Variants in TRPC7 observed in about 807,000 individuals in gnomAD.
TRPC7 encodes transient receptor potential cation channel subfamily C member 7.
In TRPC7, 42 loss-of-function variants were observed where a neutral mutation model predicts 90.1. The ratio of observed to expected loss-of-function variants is 0.47; its 90% CI spans 0.36 to 0.60. TRPC7 has a LOEUF of 0.60. Ranked by LOEUF, TRPC7 falls within the 20% of genes least tolerant of loss-of-function variation. TRPC7 has a pLI of 0.00. For missense variants in TRPC7, 955 were observed against 1,112.3 expected (o/e 0.86, Z 2.01); for synonymous variants, 451 against 436.3 (o/e 1.03, Z -0.42).
At chr5:136,295,439 C>T (rs188381452) in intron 3 of TRPC7, among the ~76,000 whole-genome samples, 5 of 152,230 alleles carry the variant, frequency 3.3e-5, no homozygotes, top group African/African-American at 1.2e-4. Context: ...TGTGCTCTGC[C>T]AGTTCATTGG....
At chr5:136,250,543 G>T (rs947136581) in intron 6 of TRPC7, among the ~76,000 whole-genome samples, 2 of 152,170 alleles carry the variant, frequency 1.3e-5, no homozygotes, top group African/African-American at 4.8e-5. Context: ...TTTCAGTACA[G>T]AAATTACAGT....
intron 3 of TRPC7, among the ~76,000 whole-genome samples, chr5:136,310,549 G>A (rs538098438): frequency 6.6e-6 from 1 of 152,082 alleles, no homozygotes; most frequent in Non-Finnish European, 1.5e-5. Context: ...GGAAGGCTCA[G>A]GAGGAGTGGA....
chr5:136,325,697 A>ACC (rs1450580996), intron 2 of TRPC7, among the ~76,000 whole-genome samples: 1 of 152,164 alleles, frequency 6.6e-6, no homozygotes, highest in Non-Finnish European at 1.5e-5. Context: ...CTAGGGGCAG[A>ACC]TAATCAGAGG....
At chr5:136,348,576 G>A (rs1345963601) in intron 2 of TRPC7, among the ~76,000 whole-genome samples, 1 of 152,166 alleles carries the variant, frequency 6.6e-6, no homozygotes, top group East Asian at 1.9e-4. Context: ...TTGACAATAA[G>A]GTCCTTGAGG....
chr5:136,303,276 C>T (rs1437511177), intron 3 of TRPC7, among the ~76,000 whole-genome samples: 2 of 152,186 alleles, frequency 1.3e-5, no homozygotes, highest in Non-Finnish European at 2.9e-5. Context: ...GCCCTAGACC[C>T]TAAAAGGTCA....
chr5:136,342,066 G>A (rs1452854453), intron 2 of TRPC7, among the ~76,000 whole-genome samples: 1 of 151,980 alleles, frequency 6.6e-6, no homozygotes, highest in Non-Finnish European at 1.5e-5. Context: ...TTCATGCCTT[G>A]TTGGCTTTCT....
chr5:136,293,784 A>C (rs1417717599), intron 3 of TRPC7, among the ~76,000 whole-genome samples: 1 of 152,192 alleles, frequency 6.6e-6, no homozygotes, highest in African/African-American at 2.4e-5. Context: ...GAATTGGAAA[A>C]AACTACTTTA....
intron 3 of TRPC7, among the ~76,000 whole-genome samples, chr5:136,295,643 C>T (rs1183629282): frequency 2.6e-5 from 4 of 152,174 alleles, no homozygotes; most frequent in African/African-American, 9.7e-5. Context: ...TCTCAATGGC[C>T]TCCAGTTCCC....
intron 3 of TRPC7, among the ~76,000 whole-genome samples, chr5:136,292,154 G>A (rs187667510): frequency 6.6e-6 from 1 of 152,292 alleles, no homozygotes; most frequent in East Asian, 1.9e-4. Flanking sequence ...TGTGTAGAGG[G>A]AAATTTATAG....
In TRPC7 at chr5:136,357,343, T is replaced by C; in HGVS notation, c.45A>G (p.Thr15=). The change falls in exon 2 of 12, where the codon ACA becomes ACG. Residue 15 remains threonine (T), a synonymous_variant. Coordinates refer to ENST00000513104, the MANE Select transcript of TRPC7 (RefSeq NM_020389.3). ...STFKNMQRRH[T]TLREKGRRQA... is the part of the protein sequence containing the mutation. ...GGCGACGGCCCTTCTCCCTCAGCGT[T>C]GTGTGCCGGCGCTGCATGTTTTTGA... The C allele has an allele frequency of 1.9e-6, 3 of 1,604,108 alleles. No individual in the cohort carries two copies. Among genetic ancestry groups the C allele is most frequent in the Middle Eastern group, 3.3e-4 (2 of 6,060 alleles).
At chr5:136,255,828 G>A (rs1756670944) in intron 5 of TRPC7, among the ~76,000 whole-genome samples, 1 of 152,122 alleles carries the variant, frequency 6.6e-6, no homozygotes, top group Non-Finnish European at 1.5e-5. Flanking sequence ...GTTGTAATGT[G>A]CCCTGCTAGG....
At chr5:136,213,939 C>G in intron 11 of TRPC7, 1 of 260,138 alleles carries the variant, frequency 3.8e-6, no homozygotes, top group Non-Finnish European at 7.3e-6. Context: ...TTCAGAGTCA[C>G]TAAAGGCAGA....
intron 2 of TRPC7, among the ~76,000 whole-genome samples, chr5:136,352,261 T>G (rs1271656659): frequency 6.6e-6 from 1 of 152,174 alleles, no homozygotes; most frequent in Non-Finnish European, 1.5e-5. Context: ...AATATTCCCT[T>G]GTCATCCTTT....
intron 3 of TRPC7, among the ~76,000 whole-genome samples, chr5:136,313,512 C>A (rs1758910909): frequency 6.6e-6 from 1 of 152,206 alleles, no homozygotes; most frequent in Non-Finnish European, 1.5e-5. Context: ...TGTGCTCATG[C>A]AAGTATGCTA....
At chr5:136,315,281 G>C (rs1390450791) in intron 3 of TRPC7, among the ~76,000 whole-genome samples, 1 of 152,180 alleles carries the variant, frequency 6.6e-6, no homozygotes, top group African/African-American at 2.4e-5. Context: ...ACTGATAGGA[G>C]CCCTCGCGGT....
chr5:136,264,921 G>A (rs1300092811), intron 5 of TRPC7, among the ~76,000 whole-genome samples: 1 of 152,130 alleles, frequency 6.6e-6, no homozygotes, highest in Non-Finnish European at 1.5e-5. Flanking sequence ...TCCCTGGAAA[G>A]CTTGGTGGGT....
intron 7 of TRPC7, among the ~76,000 whole-genome samples, chr5:136,240,352 T>TC (rs1756121431): frequency 6.6e-6 from 1 of 152,166 alleles, no homozygotes; most frequent in Non-Finnish European, 1.5e-5. Context: ...CCCTGCAAAA[T>TC]CCCCACTGAT....
chr5:136,249,256 A>C (rs1756443712), intron 6 of TRPC7, among the ~76,000 whole-genome samples: 1 of 152,084 alleles, frequency 6.6e-6, no homozygotes, highest in South Asian at 2.1e-4. Context: ...TCAAAACTAG[A>C]CTCTGTTAAA....
chr5:136,328,953 C>T (rs1689482832), intron 2 of TRPC7, among the ~76,000 whole-genome samples: 1 of 152,222 alleles, frequency 6.6e-6, no homozygotes, highest in South Asian at 2.1e-4. Context: ...GCTCACTTAC[C>T]CCTCAAGTGC....
Sources: gnomAD v4.1 joint callset for allele counts (sites outside exome capture counted in the v4.1 genomes callset) on GRCh38, gnomAD v4.1.1 for gene constraint, MANE v1.5 for transcripts, NCBI Gene and HGNC (gene_info 2026-07-23, HGNC 2026-07-21) for gene names.